Variants in RALYL observed in about 807,000 individuals in gnomAD.
The protein encoded by RALYL is RNA-binding Raly-like protein.
Under a neutral mutation model 35.1 loss-of-function variants are expected in RALYL, and 29 were observed. The observed-to-expected ratio is 0.83, with a 90% confidence interval of 0.61 to 1.13. The LOEUF (loss-of-function observed/expected upper bound fraction) is 1.13. RALYL is among the 50% of genes most tolerant of loss of function. RALYL has a pLI of 0.00. For synonymous variants in RALYL, 120 were observed against 127.6 expected (o/e 0.94, Z 0.40); for missense variants, 359 against 360.4 (o/e 1.00, Z 0.03).
At chr8:84,228,890 T>A (rs908059377) in intron 1 of RALYL, among the ~76,000 whole-genome samples, 3 of 152,082 alleles carry the variant, frequency 2.0e-5, no homozygotes. Flanking sequence ...AACAGTACGG[T>A]GGAAACTGTC....
chr8:84,542,400 C>A (rs995063587), intron 2 of RALYL, among the ~76,000 whole-genome samples: 1 of 151,990 alleles, frequency 6.6e-6, no homozygotes, highest in African/African-American at 2.4e-5. Flanking sequence ...TAAATAACCA[C>A]AATATTATTA....
At chr8:84,746,015 A>G (rs975663796) in intron 2 of RALYL, among the ~76,000 whole-genome samples, 6 of 151,988 alleles carry the variant, frequency 3.9e-5, no homozygotes, top group Admixed American at 1.3e-4. Context: ...AATTGGAGGA[A>G]ATTCTTTCAT....
intron 2 of RALYL, among the ~76,000 whole-genome samples, chr8:84,542,186 TTACTG>T (rs1315416567): frequency 6.6e-6 from 1 of 152,104 alleles, no homozygotes; most frequent in Non-Finnish European, 1.5e-5. Context: ...TCTGTATACT[TTACTG>T]TATACATCTC....
chr8:84,269,493 C>G (rs1307977849), intron 1 of RALYL, among the ~76,000 whole-genome samples: 1 of 152,090 alleles, frequency 6.6e-6, no homozygotes, highest in Non-Finnish European at 1.5e-5. Flanking sequence ...TTTGTTTTGG[C>G]TCTCTGTTCT....
At chr8:84,865,934 C>G (rs1839097625) in intron 6 of RALYL, among the ~76,000 whole-genome samples, 1 of 152,160 alleles carries the variant, frequency 6.6e-6, no homozygotes, top group Admixed American at 6.5e-5. Flanking sequence ...ATCCCCAATG[C>G]TAAGAAGGCT....
chr8:84,604,931 A>T (rs763756604), intron 2 of RALYL, among the ~76,000 whole-genome samples: 18 of 152,168 alleles, frequency 1.2e-4, no homozygotes, highest in Non-Finnish European at 2.1e-4. Flanking sequence ...TGTGGATAAG[A>T]TTTGGTAGTT....
intron 1 of RALYL, among the ~76,000 whole-genome samples, chr8:84,223,009 G>A (rs1236110826): frequency 6.6e-6 from 1 of 152,072 alleles, no homozygotes; most frequent in Non-Finnish European, 1.5e-5. Context: ...CAGAATTTAA[G>A]TGGGAATTTG....
rs116484118 is a variant in RALYL at position 84,226,174 on chromosome 8, T to C, written c.-24+41750T>C. Reference sequence around the variant, plus strand: ...TAGGAGCGTGAACCCTATTGTCAACTGTGCATGCAACGGATCTAGGTTGCA... The same window carrying C: ...TAGGAGCGTGAACCCTATTGTCAACCGTGCATGCAACGGATCTAGGTTGCA... On this transcript the variant is annotated intron_variant, in intron 1 of 8. Transcript: ENST00000521268. Among the ~76,000 whole-genome samples the C allele has an allele frequency of 8.9e-3, 1,352 of 152,258 alleles. 25 individuals carry two copies. Among genetic ancestry groups the C allele is most frequent in the African/African-American group, 0.03 (1,260 of 41,538 alleles).
intron 1 of RALYL, among the ~76,000 whole-genome samples, chr8:84,216,696 C>T (rs1482597956): frequency 6.6e-6 from 1 of 152,042 alleles, no homozygotes; most frequent in Non-Finnish European, 1.5e-5. Flanking sequence ...TCTGTATCTG[C>T]TATTTAGTAC....
At chr8:84,314,479 A>ATT (rs1489922245) in intron 1 of RALYL, among the ~76,000 whole-genome samples, 1 of 152,006 alleles carries the variant, frequency 6.6e-6, no homozygotes, top group African/African-American at 2.4e-5. Context: ...AAATATGTGT[A>ATT]TTATATATAT....
intron 1 of RALYL, among the ~76,000 whole-genome samples, chr8:84,262,347 T>A (rs1342742196): frequency 6.6e-6 from 1 of 152,212 alleles, no homozygotes; most frequent in Non-Finnish European, 1.5e-5. Context: ...AGTTTCCTTA[T>A]GTGCAAAGAC....
intron 4 of RALYL, among the ~76,000 whole-genome samples, chr8:84,830,911 T>G (rs1013789577): frequency 1.3e-5 from 2 of 152,138 alleles, no homozygotes; most frequent in African/African-American, 2.4e-5. Context: ...AGTTAACTCT[T>G]TAAGACACCA....
At chr8:84,894,149 G>T (rs1327179241) in intron 8 of RALYL, among the ~76,000 whole-genome samples, 1 of 152,076 alleles carries the variant, frequency 6.6e-6, no homozygotes, top group African/African-American at 2.4e-5. Flanking sequence ...AGTATTCTTG[G>T]TCTTTCTTTA....
chr8:84,209,977 A>T lies in RALYL; in HGVS notation c.-24+25553A>T, dbSNP rs528873694. ...ACCTATGTAGTGTGATTATGAATTA[A>T]TGTAGCTACTTTTCTCATATGGAAA... On this transcript the variant is annotated intron_variant, in intron 1 of 8. Coordinates refer to ENST00000521268, the MANE Select transcript of RALYL (RefSeq NM_173848.7). Among the ~76,000 whole-genome samples the T allele has an allele frequency of 3.9e-5, 6 of 152,258 alleles. No individual in the cohort carries two copies. In the South Asian group the frequency reaches 1.2e-3, roughly 32 times the overall value.
chr8:84,851,660 C>G (rs1835889337), intron 5 of RALYL, among the ~76,000 whole-genome samples: 1 of 152,192 alleles, frequency 6.6e-6, no homozygotes, highest in South Asian at 2.1e-4. Flanking sequence ...GCTCCAGCCT[C>G]TAGGGCCTTT....
At chr8:84,609,433 A>C (rs527906690) in intron 2 of RALYL, among the ~76,000 whole-genome samples, 5 of 152,308 alleles carry the variant, frequency 3.3e-5, no homozygotes, top group African/African-American at 1.2e-4. Flanking sequence ...TCAGTGCATG[A>C]GAATTCCTTC....
At chr8:84,641,788 TAAAAAAA>T (rs59556525) in intron 2 of RALYL, among the ~76,000 whole-genome samples, 5 of 119,226 alleles carry the variant, frequency 4.2e-5, no homozygotes, top group African/African-American at 9.1e-5. Context: ...GTCTTATTTG[TAAAAAAA>T]AAAAAAAAAA....
intron 5 of RALYL, among the ~76,000 whole-genome samples, chr8:84,854,598 C>G (rs1472077482): frequency 3.3e-5 from 5 of 152,168 alleles, no homozygotes; most frequent in Admixed American, 2.6e-4. Flanking sequence ...TTTCTGTTAA[C>G]CCCATGCTGC....
intron 1 of RALYL, among the ~76,000 whole-genome samples, chr8:84,403,863 G>T (rs981935274): frequency 5.9e-5 from 9 of 151,934 alleles, no homozygotes; most frequent in African/African-American, 1.9e-4. Context: ...CTTGAGCAGT[G>T]GTTTGTAGTT....
Sources: gnomAD v4.1 joint callset for allele counts (sites outside exome capture counted in the v4.1 genomes callset) on GRCh38, gnomAD v4.1.1 for gene constraint, MANE v1.5 for transcripts, NCBI Gene and HGNC (gene_info 2026-07-23, HGNC 2026-07-21) for gene names.